The following ABRAXAS2 variants were observed in gnomAD, a reference collection of about 807,000 sequenced individuals.
The protein encoded by ABRAXAS2 is abraxas 2, BRISC complex subunit.
ABRAXAS2 carries 23 observed loss-of-function variants against 49.0 expected under a neutral mutation model. The ratio of observed to expected loss-of-function variants is 0.47; its 90% confidence interval spans 0.34 to 0.66. The LOEUF (loss-of-function observed/expected upper bound fraction) is 0.66, where lower values mean the gene tolerates loss of function less well. Among genes scored for constraint, ABRAXAS2 ranks in the 30% least tolerant of loss-of-function variants. ABRAXAS2 has a pLI of 0.01. For missense variants in ABRAXAS2, 443 were observed against 511.9 expected (o/e 0.87, Z 1.30); for synonymous variants, 168 against 180.2 (o/e 0.93, Z 0.54).
At chr10:124,817,891 G>A (rs1167411332) in intron 3 of ABRAXAS2, among the ~76,000 whole-genome samples, 1 of 152,140 alleles carries the variant, frequency 6.6e-6, no homozygotes, top group South Asian at 2.1e-4. Flanking sequence ...GAAGCAAGAC[G>A]AGCAGCCAGC....
chr10:124,815,341 C>T (rs527546792), intron 2 of ABRAXAS2, among the ~76,000 whole-genome samples: 41 of 151,982 alleles, frequency 2.7e-4, no homozygotes, highest in African/African-American at 9.2e-4. Context: ...ACTACAGGCG[C>T]CCACCAACAC....
intron 1 of ABRAXAS2, among the ~76,000 whole-genome samples, chr10:124,804,428 G>A (rs947832020): frequency 2.6e-5 from 4 of 152,144 alleles, no homozygotes; most frequent in Non-Finnish European, 5.9e-5. Context: ...CAGCAACCCA[G>A]TGCTGTAGAA....
chr10:124,806,735 T>C, intron 1 of ABRAXAS2, 96 bp from the exon 2 acceptor site: 1 of 801,936 alleles, frequency 1.2e-6, no homozygotes, highest in Non-Finnish European at 2.0e-6. Context: ...TGGATTATTG[T>C]GAAAATTATA....
chr10:124,815,810 C>T lies in ABRAXAS2; in HGVS notation c.164-766C>T, dbSNP rs185819697. On this transcript the variant is annotated intron_variant, in intron 2 of 8. Transcript: ENST00000298492. ...TTCCTTCCTCTTCAAAACACCTGGC[C>T]CAAGTTGTCATGAGTTATTACTGGT... 4.0e-5 allele frequency among the ~76,000 whole-genome samples: 6 copies of T among 151,858 alleles called. No homozygotes were observed. In the East Asian group the frequency reaches 9.7e-4, roughly 24 times the overall value.
intron 2 of ABRAXAS2, among the ~76,000 whole-genome samples, chr10:124,809,201 G>A (rs556208334): frequency 6.6e-6 from 1 of 152,178 alleles, no homozygotes; most frequent in Admixed American, 6.6e-5. Flanking sequence ...TGGCAACTTT[G>A]GTCATGTTGG....
intron 2 of ABRAXAS2, among the ~76,000 whole-genome samples, chr10:124,815,892 C>CTTTTTTT (rs34730970): frequency 2.1e-5 from 2 of 94,670 alleles, no homozygotes; most frequent in African/African-American, 4.1e-5. Context: ...GTCCTCGCAG[C>CTTTTTTT]TTTTTTTTTT....
intron 4 of ABRAXAS2, among the ~76,000 whole-genome samples, chr10:124,823,417 G>A (rs1324048892): frequency 1.3e-5 from 2 of 151,908 alleles, no homozygotes; most frequent in Admixed American, 1.3e-4. Context: ...TTACTGTTCT[G>A]GCAGAATCCA....
intron 2 of ABRAXAS2, 143 bp from the exon 3 acceptor site, chr10:124,816,433 T>A: frequency 1.6e-6 from 1 of 623,292 alleles, no homozygotes; most frequent in Non-Finnish European, 2.8e-6. Flanking sequence ...TTCAGACTGG[T>A]GTACATGTAG....
At chr10:124,812,937 C>T (rs1320351614) in intron 2 of ABRAXAS2, among the ~76,000 whole-genome samples, 1 of 152,202 alleles carries the variant, frequency 6.6e-6, no homozygotes, top group South Asian at 2.1e-4. Context: ...CGTGGTGGCT[C>T]ATGCCTGTAA....
At chr10:124,817,260 C>T (rs112535573) in intron 3 of ABRAXAS2, among the ~76,000 whole-genome samples, 1,868 of 152,086 alleles carry the variant, frequency 0.012, 72 homozygotes, top group Admixed American at 0.068. Context: ...TACACCAATG[C>T]CATATTATGA....
In ABRAXAS2 at chr10:124,806,890, A is replaced by G. The variant is rs1950748428; in HGVS notation, c.132A>G (p.Gln44=). 6.8e-6 allele frequency: 11 copies of G among 1,612,208 alleles called. No homozygotes were observed. The highest frequency in any genetic ancestry group is 1.1e-5 in the South Asian group (1 of 90,670). Residue 44 remains glutamine, a synonymous_variant, in exon 2 of 9, where the codon CAA becomes CAG. Transcript: ENST00000298492. ...QEETFSISDS[Q]ISNTEFLQVI... is the part of the protein sequence containing the mutation. ...AAACGTTTAGCATCAGTGACTCACA[A>G]ATCAGCAACACAGAATTTCTGCAAG...
chr10:124,816,805 A>G (rs575900768), intron 3 of ABRAXAS2, among the ~76,000 whole-genome samples, 193 bp downstream of exon 3: 2 of 152,256 alleles, frequency 1.3e-5, no homozygotes, highest in South Asian at 4.1e-4. Flanking sequence ...TTGTGGGCTT[A>G]GTGATTTAGA....
chr10:124,824,632 G>A (rs985877551), intron 4 of ABRAXAS2, among the ~76,000 whole-genome samples: 11 of 151,918 alleles, frequency 7.2e-5, no homozygotes, highest in Non-Finnish European at 1.5e-4. Flanking sequence ...TCATCCAATA[G>A]CCACCTTGCA....
At chr10:124,821,306 C>A (rs868743029) in intron 4 of ABRAXAS2, among the ~76,000 whole-genome samples, 2 of 152,170 alleles carry the variant, frequency 1.3e-5, no homozygotes, top group African/African-American at 4.8e-5. Flanking sequence ...GTGGCTCATG[C>A]CTGTAATCCC....
intron 4 of ABRAXAS2, among the ~76,000 whole-genome samples, chr10:124,819,887 T>G (rs1458113808): frequency 6.6e-6 from 1 of 152,138 alleles, no homozygotes; most frequent in Non-Finnish European, 1.5e-5. Flanking sequence ...ATGTGTAGAC[T>G]AGGTAAGCAA....
chr10:124,828,671 G>A, intron 5 of ABRAXAS2, 85 bp from the exon 6 acceptor site: 1 of 1,319,728 alleles, frequency 7.6e-7, no homozygotes, highest in Non-Finnish European at 1.0e-6. Context: ...ACCACACCCA[G>A]CCCTTTTTTT....
At chr10:124,831,879 A>C (rs1430201638) in intron 8 of ABRAXAS2, among the ~76,000 whole-genome samples, 5 of 110,980 alleles carry the variant, frequency 4.5e-5, no homozygotes, top group Non-Finnish European at 8.5e-5. Flanking sequence ...TTTTAGACGG[A>C]ATCTCCCTCT....
chr10:124,803,844 T>C (rs1003387512), intron 1 of ABRAXAS2, among the ~76,000 whole-genome samples: 7 of 152,186 alleles, frequency 4.6e-5, no homozygotes, highest in Non-Finnish European at 8.8e-5. Flanking sequence ...AAGGTTGTGG[T>C]GAGTCGAGAT....
At chr10:124,828,906 C>T in intron 6 of ABRAXAS2, 31 bp downstream of exon 6, 3 of 1,601,940 alleles carry the variant, frequency 1.9e-6, no homozygotes, top group Non-Finnish European at 2.6e-6. Flanking sequence ...CTAGTTTTTT[C>T]TTTTGTCAGC....
Sources: allele counts gnomAD v4.1 joint callset (sites outside exome capture counted in the v4.1 genomes callset), GRCh38; gene constraint gnomAD v4.1.1; transcripts MANE v1.5; gene names NCBI Gene and HGNC (gene_info 2026-07-23, HGNC 2026-07-21).